CUX2: variants seen among roughly 807,000 people sequenced by gnomAD.
CUX2 encodes the protein cut like homeobox 2.
Under a neutral mutation model 144.8 loss-of-function variants are expected in CUX2, and 40 were observed. That is an observed-to-expected ratio of 0.28 (90% CI 0.21 to 0.36). The LOEUF is 0.36. CUX2 is among the 10% of genes least tolerant of loss of function. CUX2 has a pLI of 1.00. For synonymous variants in CUX2, 827 were observed against 875.6 expected (o/e 0.94, Z 0.98); for missense variants, 1,615 against 1,994.0 (o/e 0.81, Z 3.62).
chr12:111,348,116 G>T lies in CUX2; in HGVS notation c.4252G>T (p.Ala1418Ser). The change falls in exon 22 of 22, where the codon GCT (alanine) becomes TCT (serine). Residue 1418 changes from alanine to serine, a missense_variant. By Grantham distance (99) the Ala-to-Ser change is moderately conservative (BLOSUM62 1). Around this residue, in one of 12 missense-constraint regions of CUX2, gnomAD observed 298 missense variants for 330.4 expected, o/e 0.90. Transcript: ENST00000261726. ...TGTGTCACCTGTCCCCTCCTCCTCA[G>T]CTCCCATCTCCCCATCCCCACCTGG... Reference protein sequence around the residue: ...MSVSPVPSSSAPISPSPPGAP... With the variant: ...MSVSPVPSSSSPISPSPPGAP... The T allele has an allele frequency of 6.2e-7, 1 of 1,614,056 alleles. No homozygotes were observed. Among genetic ancestry groups the T allele is most frequent in the Non-Finnish European group, 8.5e-7 (1 of 1,180,000 alleles).
intron 1 of CUX2, among the ~76,000 whole-genome samples, chr12:111,064,934 A>C (rs1288035759): frequency 6.6e-6 from 1 of 152,246 alleles, no homozygotes; most frequent in African/African-American, 2.4e-5. Context: ...TTCTGGTTAA[A>C]GACCTAAGAG....
At chr12:111,142,124 A>G (rs1426789146) in intron 1 of CUX2, among the ~76,000 whole-genome samples, 1 of 152,180 alleles carries the variant, frequency 6.6e-6, no homozygotes, top group Admixed American at 6.5e-5. Context: ...AGGGCAATGG[A>G]ATATAGGATG....
chr12:111,108,657 C>A (rs118134260), intron 1 of CUX2, among the ~76,000 whole-genome samples: 1 of 151,696 alleles, frequency 6.6e-6, no homozygotes, highest in African/African-American at 2.4e-5. Flanking sequence ...TCTCTCTCTT[C>A]CCCCACCCCA....
At chr12:111,242,214 A>G (rs1883052417) in intron 3 of CUX2, among the ~76,000 whole-genome samples, 1 of 152,242 alleles carries the variant, frequency 6.6e-6, no homozygotes, top group Non-Finnish European at 1.5e-5. Flanking sequence ...CTGATACAGA[A>G]CTGTTATTAT....
intron 1 of CUX2, among the ~76,000 whole-genome samples, chr12:111,157,820 A>G (rs1877495481): frequency 6.6e-6 from 1 of 152,366 alleles, no homozygotes; most frequent in East Asian, 1.9e-4. Context: ...AGTAGTGTAT[A>G]GCTTTAGCAA....
chr12:111,320,532 G>A lies in CUX2; in HGVS notation c.2523G>A (p.Gly841=). Residue 841 remains glycine, a synonymous_variant, in exon 17 of 22, where the codon GGG becomes GGA. Coordinates refer to ENST00000261726, the MANE Select transcript of CUX2 (RefSeq NM_015267.4). This position sits in a 1 kb window ranked among gnomAD's most constrained non-coding sequence, Gnocchi z 8.1. ...CCCCCGAGGACGAGGCGGCGGCAGG[G>A]GCGGAGGACGAACCCCCCAGGACGG... The part of the protein sequence containing the change: ...PVPPEDEAAA[G]AEDEPPRTGE... The A allele has an allele frequency of 1.3e-6, 2 of 1,555,756 alleles. No individual in the cohort carries two copies. The highest frequency in any genetic ancestry group is 1.7e-6 in the Non-Finnish European group (2 of 1,158,158).
intron 1 of CUX2, among the ~76,000 whole-genome samples, chr12:111,204,179 G>A (rs1276972598): frequency 1.3e-5 from 2 of 152,244 alleles, no homozygotes; most frequent in Non-Finnish European, 2.9e-5. Context: ...TCACAGAGCT[G>A]GCAAGCAAGA....
intron 1 of CUX2, among the ~76,000 whole-genome samples, chr12:111,147,704 T>C (rs1339653008): frequency 6.6e-6 from 1 of 152,176 alleles, no homozygotes; most frequent in Non-Finnish European, 1.5e-5. Context: ...CCTGCAAGGC[T>C]GTCACAAGGT....
rs764863965 is a variant in CUX2, at chr12:111,347,783, G to A, written c.3919G>A (p.Ala1307Thr). The A allele has an allele frequency of 1.1e-5, 18 of 1,613,692 alleles. No homozygotes were observed. The South Asian group carries it at 1.8e-4, about 16-fold the overall frequency. Reference sequence around the variant, plus strand: ...CAAGCAGGAACAGATGGAGGAGGATGCTGAGGAAGAGGCAGGCAGCCAGCC... The same window carrying A: ...CAAGCAGGAACAGATGGAGGAGGATACTGAGGAAGAGGCAGGCAGCCAGCC... ...RIKQEQMEED[A>T]EEEAGSQPQD... Residue 1307 changes from alanine to threonine, a missense_variant, in exon 22 of 22, where the codon GCT (alanine) becomes ACT (threonine). Physicochemically the swap from Ala to Thr is moderately conservative, Grantham distance 58 (BLOSUM62 0). Transcript: ENST00000261726.
intron 1 of CUX2, among the ~76,000 whole-genome samples, chr12:111,144,224 T>C (rs1049799289): frequency 1.3e-5 from 2 of 152,244 alleles, no homozygotes; most frequent in Non-Finnish European, 2.9e-5. Flanking sequence ...GGTGCTTAAT[T>C]AGTTCTCAAT....
Position 111,034,872 on chromosome 12 carries a change from C to T in CUX2, c.63+632C>T, listed in dbSNP as rs930378954. ...GCCGCCACCCGGGGGCCGCCGCCGC[C>T]GCCGCCAGAGCCGCCGCCGCCGGAC... On this transcript the variant is annotated intron_variant, in intron 1 of 21. Coordinates refer to ENST00000261726, the MANE Select transcript of CUX2 (RefSeq NM_015267.4). The surrounding 1 kb of genome is among the most constrained non-coding windows in gnomAD (Gnocchi z 4.2). 2.0e-5 allele frequency among the ~76,000 whole-genome samples: 3 copies of T among 149,468 alleles called. No homozygotes were observed. Among genetic ancestry groups the T allele is most frequent in the Admixed American group, 6.6e-5 (1 of 15,062 alleles).
chr12:111,251,104 T>C (rs928515577), intron 3 of CUX2, among the ~76,000 whole-genome samples: 1 of 152,018 alleles, frequency 6.6e-6, no homozygotes, highest in Non-Finnish European at 1.5e-5. Context: ...AGAAGAGAAA[T>C]TGTGGATTTA....
intron 1 of CUX2, among the ~76,000 whole-genome samples, chr12:111,144,313 C>T (rs1353657502): frequency 1.3e-5 from 2 of 152,282 alleles, no homozygotes; most frequent in Non-Finnish European, 2.9e-5. Flanking sequence ...CTTTCAGGAC[C>T]CCCAGACACC....
At chr12:111,063,446 G>T (rs1262718632) in intron 1 of CUX2, among the ~76,000 whole-genome samples, 1 of 152,134 alleles carries the variant, frequency 6.6e-6, no homozygotes, top group Non-Finnish European at 1.5e-5. Flanking sequence ...GAGACGCTGT[G>T]CTAGAGCTCC....
intron 21 of CUX2, among the ~76,000 whole-genome samples, chr12:111,345,734 T>C (rs1163056773): frequency 6.8e-5 from 7 of 102,744 alleles, no homozygotes; most frequent in East Asian, 2.6e-4. Flanking sequence ...AGACTCCGTC[T>C]CAAAAAAAAA....
At chr12:111,256,460 A>T (rs1307635152) in intron 3 of CUX2, among the ~76,000 whole-genome samples, 2 of 151,972 alleles carry the variant, frequency 1.3e-5, no homozygotes, top group Non-Finnish European at 2.9e-5. Context: ...CTTCTTCTGG[A>T]ATTCCTGCCA....
intron 1 of CUX2, among the ~76,000 whole-genome samples, chr12:111,049,121 G>T (rs1282079618): frequency 6.6e-6 from 1 of 151,774 alleles, no homozygotes; most frequent in Admixed American, 6.6e-5. Context: ...TCCATCCCAT[G>T]AATCCATCCA....
intron 1 of CUX2, among the ~76,000 whole-genome samples, chr12:111,148,494 T>G (rs1876839757): frequency 6.6e-6 from 1 of 152,226 alleles, no homozygotes; most frequent in Admixed American, 6.5e-5. Flanking sequence ...GCCACAGAAC[T>G]GTACATTTAA....
At chr12:111,147,911 C>T (rs1218777090) in intron 1 of CUX2, among the ~76,000 whole-genome samples, 11 of 152,212 alleles carry the variant, frequency 7.2e-5, no homozygotes, top group African/African-American at 2.2e-4. Context: ...CCCACCCAGG[C>T]GCCCAGTCAT....
Sources: gnomAD v4.1 joint callset for allele counts (sites outside exome capture counted in the v4.1 genomes callset) on GRCh38, gnomAD v4.1.1 for gene constraint, gnomAD v4.1.1 regional missense constraint, Gnocchi (gnomAD v3.1) non-coding constraint, MANE v1.5 for transcripts, NCBI Gene and HGNC (gene_info 2026-07-23, HGNC 2026-07-21) for gene names.